Variants in APELA observed in about 807,000 individuals in gnomAD.
APELA encodes the protein protein Elabela.
intron 2 of APELA, among the ~76,000 whole-genome samples, chr4:164,882,152 G>A (rs901659587): frequency 2.6e-5 from 4 of 151,926 alleles, no homozygotes; most frequent in African/African-American, 9.7e-5. Flanking sequence ...TGCCCAGGCT[G>A]GAGTGCAATG....
intron 1 of APELA, among the ~76,000 whole-genome samples, chr4:164,877,989 T>C (rs1183050817): frequency 2.6e-5 from 4 of 152,184 alleles, no homozygotes; most frequent in Admixed American, 2.6e-4. Flanking sequence ...ATGATAAAGA[T>C]ACATAATATT....
chr4:164,882,838 C>T (rs1029995454), intron 2 of APELA, among the ~76,000 whole-genome samples: 5 of 151,926 alleles, frequency 3.3e-5, no homozygotes, highest in Non-Finnish European at 4.4e-5. Context: ...TGAGAACATG[C>T]GGTGTTTGGT....
chr4:164,882,292 A>G (rs1263482813), intron 2 of APELA, among the ~76,000 whole-genome samples: 1 of 151,894 alleles, frequency 6.6e-6, no homozygotes, highest in Non-Finnish European at 1.5e-5. Flanking sequence ...TAGTAGAGAC[A>G]GGGTTTCTCC....
At chr4:164,898,769 C>G (rs1731023311), downstream of APELA, 2 of 151,954 alleles carry the variant, frequency 1.3e-5, no homozygotes, top group African/African-American at 4.8e-5. Context: ...TACATTTGAT[C>G]AGAAGAAAAA....
chr4:164,890,093 T>C (rs1165144993), intron 2 of APELA, among the ~76,000 whole-genome samples: 2 of 152,216 alleles, frequency 1.3e-5, no homozygotes, highest in African/African-American at 4.8e-5. Context: ...ACTTTATTGA[T>C]CAATATTTAT....
chr4:164,894,721 G>A (rs555807801), intron 2 of APELA, among the ~76,000 whole-genome samples: 2 of 152,088 alleles, frequency 1.3e-5, no homozygotes, highest in African/African-American at 2.4e-5. Context: ...ATATTTTTTC[G>A]AGATGAGCTC....
chr4:164,887,837 C>G (rs1364228547), intron 2 of APELA, among the ~76,000 whole-genome samples: 2 of 152,160 alleles, frequency 1.3e-5, no homozygotes, highest in Non-Finnish European at 2.9e-5. Context: ...GTCTCGAACT[C>G]CTGACCTCAG....
At position 164,893,431 on chromosome 4, in the gene APELA, T is replaced by C. The variant is rs562024156; in HGVS notation, c.*2-1985T>C. Among the ~76,000 whole-genome samples the C allele has an allele frequency of 2.6e-5, 4 of 152,262 alleles. No homozygotes were observed. The East Asian group carries it at 7.7e-4, about 29-fold the overall frequency. On this transcript the variant is annotated intron_variant, in intron 2 of 2. Coordinates refer to ENST00000507152, the MANE Select transcript of APELA (RefSeq NM_001297550.2). ...GTTATTGATTTCTAATTTGATTCCATTGTTGAATCATCTATTTTTCCTTTC... is the reference window on the plus strand; with the variant it reads ...GTTATTGATTTCTAATTTGATTCCACTGTTGAATCATCTATTTTTCCTTTC...
At chr4:164,885,157 G>A (rs948005575) in intron 2 of APELA, among the ~76,000 whole-genome samples, 1 of 152,064 alleles carries the variant, frequency 6.6e-6, no homozygotes, top group Non-Finnish European at 1.5e-5. Flanking sequence ...TTGAGACAGA[G>A]TCTTGCTCTG....
downstream of APELA, among the ~76,000 whole-genome samples, chr4:164,898,521 G>A (rs1033321630): frequency 2.7e-5 from 4 of 145,942 alleles, no homozygotes; most frequent in Non-Finnish European, 6.0e-5. Flanking sequence ...AAAAAAAAAA[G>A]GTTATTTGTA....
chr4:164,877,477 T>C (rs1434207911), intron 1 of APELA, 70 bp downstream of exon 1: 1 of 398,614 alleles, frequency 2.5e-6, no homozygotes, highest in Admixed American at 4.4e-5. Context: ...CTGAGCATGA[T>C]TGTGTTTATC....
At chr4:164,884,374 C>A (rs1373223377) in intron 2 of APELA, among the ~76,000 whole-genome samples, 2 of 152,166 alleles carry the variant, frequency 1.3e-5, no homozygotes, top group African/African-American at 4.8e-5. Context: ...ACATTGTTCC[C>A]CTTTTCCTTC....
chr4:164,892,454 T>TAA (rs1377707614), intron 2 of APELA, among the ~76,000 whole-genome samples: 1 of 152,250 alleles, frequency 6.6e-6, no homozygotes, highest in Admixed American at 6.5e-5. Flanking sequence ...TTTCAGATGT[T>TAA]AAATTAACAT....
chr4:164,883,290 T>C (rs548759511), intron 2 of APELA, among the ~76,000 whole-genome samples: 48 of 152,254 alleles, frequency 3.2e-4, no homozygotes, highest in African/African-American at 1.1e-3. Context: ...CATATTCCTA[T>C]TCAACTATTA....
intron 2 of APELA, among the ~76,000 whole-genome samples, chr4:164,894,051 G>A (rs188949442): frequency 2.1e-4 from 32 of 152,264 alleles, no homozygotes; most frequent in African/African-American, 6.5e-4. Context: ...GGCCGGGCGT[G>A]GTGGCTCACA....
chr4:164,892,716 G>A (rs977523203), intron 2 of APELA, among the ~76,000 whole-genome samples: 1 of 152,118 alleles, frequency 6.6e-6, no homozygotes, highest in Non-Finnish European at 1.5e-5. Flanking sequence ...TTCATTTATA[G>A]GATTCACCAG....
chr4:164,890,544 GC>G lies in APELA; in HGVS notation c.*2-4869del, dbSNP rs1730860177. ...GCTTTTTTCACTTAATGTTTTCAGG[GC>G]CCATCCCTGTAGTAGCATGTATCAG... is the stretch of plus-strand genomic sequence containing the variant. On this transcript the variant is annotated intron_variant, in intron 2 of 2. Coordinates refer to ENST00000507152, the MANE Select transcript of APELA (RefSeq NM_001297550.2). Among the ~76,000 whole-genome samples the G allele has an allele frequency of 4.6e-5, 7 of 152,094 alleles. No homozygotes were observed. The South Asian group carries it at 1.5e-3, about 32-fold the overall frequency.
chr4:164,884,180 G>A (rs565138466), intron 2 of APELA, among the ~76,000 whole-genome samples: 2 of 144,600 alleles, frequency 1.4e-5, no homozygotes, highest in East Asian at 2.1e-4. Context: ...AGAAAGGAGA[G>A]AAGAAAGAAA....
At chr4:164,882,228 C>A (rs1025170886) in intron 2 of APELA, among the ~76,000 whole-genome samples, 1 of 152,134 alleles carries the variant, frequency 6.6e-6, no homozygotes, top group African/African-American at 2.4e-5. Context: ...CTCAGCCTCC[C>A]GAGTAGCTGG....
Sources: allele counts gnomAD v4.1 joint callset (sites outside exome capture counted in the v4.1 genomes callset), GRCh38; gene constraint gnomAD v4.1.1; transcripts MANE v1.5; gene names NCBI Gene and HGNC (gene_info 2026-07-23, HGNC 2026-07-21).